The following NOTCH2 variants were observed in gnomAD, a reference collection of about 807,000 sequenced individuals.
NOTCH2 encodes neurogenic locus notch homolog protein 2.
A neutral mutation model predicts 235.8 loss-of-function variants in NOTCH2; 29 were observed. The ratio of observed to expected loss-of-function variants is 0.12; its 90% confidence interval spans 0.09 to 0.17. The LOEUF (loss-of-function observed/expected upper bound fraction) is 0.17, where lower values mean the gene tolerates loss of function less well. NOTCH2 is among the 10% of genes least tolerant of loss of function. The pLI, the probability that NOTCH2 is intolerant of heterozygous loss-of-function variation, is 1.00. For missense variants in NOTCH2, 2,285 were observed against 3,150.2 expected (o/e 0.73, Z 6.57); for synonymous variants, 1,086 against 1,141.5 (o/e 0.95, Z 0.98).
At chr1:119,976,938 T>C (rs1553201033) in intron 5 of NOTCH2, among the ~76,000 whole-genome samples, 1 of 152,118 alleles carries the variant, frequency 6.6e-6, no homozygotes, top group African/African-American at 2.4e-5. Flanking sequence ...TGCTTGTCAC[T>C]AAACACAATT....
chr1:119,977,312 G>A lies in NOTCH2; in HGVS notation c.875-7568C>T, dbSNP rs369714747. Among the ~76,000 whole-genome samples the A allele has an allele frequency of 4.0e-4, 61 of 151,860 alleles. No individual in the cohort carries two copies. The East Asian group carries it at 7.1e-3, about 18-fold the overall frequency. ...CCTTGTCTACACCACCAGTTCACAC[G>A]CAAACCCCTCATCCCAGTCCCCTTC... On this transcript the variant is annotated intron_variant, in intron 5 of 33. Transcript: ENST00000256646.
chr1:119,964,255 TGAGA>T (rs1553199384), intron 10 of NOTCH2, among the ~76,000 whole-genome samples: 1 of 152,206 alleles, frequency 6.6e-6, no homozygotes. Context: ...TCAACTCCTC[TGAGA>T]GTAGTATGCA....
At chr1:119,951,322 T>C (rs1162974302) in intron 14 of NOTCH2, among the ~76,000 whole-genome samples, 2 of 152,124 alleles carry the variant, frequency 1.3e-5, no homozygotes, top group African/African-American at 4.8e-5. Flanking sequence ...ACTTGATTTT[T>C]TAAATTTCTT....
At chr1:119,939,187 AAAC>A (rs1174686668) in intron 19 of NOTCH2, among the ~76,000 whole-genome samples, 1 of 152,186 alleles carries the variant, frequency 6.6e-6, no homozygotes, top group African/African-American at 2.4e-5. Flanking sequence ...CTCTGGCCAA[AAAC>A]AGATTTTTCC....
intron 2 of NOTCH2, among the ~76,000 whole-genome samples, chr1:120,012,107 T>C (rs1195800354): frequency 3.1e-5 from 4 of 128,086 alleles, no homozygotes; most frequent in African/African-American, 1.2e-4. Flanking sequence ...GCTTCAACAC[T>C]AGGCTATCCT....
At chr1:120,027,179 TTGGTTG>T (rs1170785803) in intron 2 of NOTCH2, among the ~76,000 whole-genome samples, 1 of 150,552 alleles carries the variant, frequency 6.6e-6, no homozygotes, top group Non-Finnish European at 1.5e-5. Context: ...GTCTCCAACC[TTGGTTG>T]GAGAGTATGA....
chr1:120,029,296 A>G (rs1462287815), intron 2 of NOTCH2, among the ~76,000 whole-genome samples: 3 of 151,694 alleles, frequency 2.0e-5, no homozygotes, highest in Non-Finnish European at 4.4e-5. Context: ...GGAGACTCTA[A>G]GAGTATGCCT....
chr1:119,953,813 C>T (rs1650579496), intron 13 of NOTCH2, 125 bp from the exon 14 acceptor site: 2 of 824,548 alleles, frequency 2.4e-6, no homozygotes, highest in Non-Finnish European at 4.1e-6. Context: ...TGGAACTATC[C>T]TTGCATCACC....
At position 119,916,175 on chromosome 1, in the gene NOTCH2, T is replaced by G; in HGVS notation, c.6547A>C (p.Met2183Leu). The G allele has an allele frequency of 1.9e-6, 3 of 1,614,112 alleles. No homozygotes were observed. The highest frequency in any genetic ancestry group is 2.5e-6 in the Non-Finnish European group (3 of 1,180,014). Residue 2183 changes from methionine (M) to leucine (L), a missense_variant, in exon 34 of 34, where the codon ATG becomes CTG. Met to Leu is a conservative substitution (Grantham distance 15, BLOSUM62 2). This residue lies in a region of NOTCH2 where 504 missense variants were observed against 538.0 expected (regional missense o/e 0.94). Coordinates refer to ENST00000256646, the MANE Select transcript of NOTCH2 (RefSeq NM_024408.4). ...GCAGGAGGGGCGGCAGTGGCCAACA[T>G]AGGGTTGGGTGAGGCCTGTAAGATC... The part of the protein sequence containing the change: ...PGILQASPNP[M>L]LATAAPPAPV...
rs369664394 is a variant in NOTCH2, at chr1:119,969,738, A to T, written c.881T>A (p.Phe294Tyr). The T allele has an allele frequency of 1.1e-5, 18 of 1,613,884 alleles. No homozygotes were observed. The African/African-American group carries it at 2.1e-4, about 19-fold the overall frequency. Reference sequence around the variant, plus strand: ...GCATTCATCCACATCCTCTGTGCAGAACTGTCCTTTTAGGGGGAAATTACT... The same window carrying T: ...GCATTCATCCACATCCTCTGTGCAGTACTGTCCTTTTAGGGGGAAATTACT... ...CRCPPQWTGQ[F>Y]CTEDVDECLL... Residue 294 changes from phenylalanine (F) to tyrosine (Y), a missense_variant, in exon 6 of 34, where the codon TTC becomes TAC. Phe to Tyr is a conservative substitution (Grantham distance 22, BLOSUM62 3). This residue lies in a region of NOTCH2 where 431 missense variants were observed against 757.8 expected (regional missense o/e 0.57). Coordinates refer to ENST00000256646, the MANE Select transcript of NOTCH2 (RefSeq NM_024408.4).
intron 2 of NOTCH2, among the ~76,000 whole-genome samples, chr1:120,027,633 C>A (rs1174602814): frequency 2.6e-5 from 4 of 151,892 alleles, no homozygotes; most frequent in Non-Finnish European, 5.9e-5. Flanking sequence ...CCTTTCCCCC[C>A]ACCCCCTGAC....
intron 1 of NOTCH2, among the ~76,000 whole-genome samples, chr1:120,067,348 C>A (rs1489472374): frequency 3.3e-5 from 5 of 151,166 alleles, no homozygotes; most frequent in Non-Finnish European, 7.4e-5. Flanking sequence ...TAACACTCAA[C>A]TTGACTACCT....
chr1:120,028,708 T>C (rs587767207), intron 2 of NOTCH2, among the ~76,000 whole-genome samples: 17 of 137,128 alleles, frequency 1.2e-4, no homozygotes, highest in Non-Finnish European at 2.3e-4. Flanking sequence ...TGGTAAGAAA[T>C]AAAAATGTGT....
rs189952588 is a variant in NOTCH2 at position 120,060,612 on chromosome 1, T to C, written c.73+8722A>G. 7.8e-3 allele frequency among the ~76,000 whole-genome samples: 1,179 copies of C among 150,704 alleles called. 5 individuals carry two copies. Among genetic ancestry groups the C allele is most frequent in the African/African-American group, 0.026 (1,066 of 41,372 alleles). ...ACATCCTTAACTACTTTTTCAAACA[T>C]AATTACTTTTTATTTTACAAAAATA... On this transcript the variant is annotated intron_variant, in intron 1 of 33. Transcript: ENST00000256646.
intron 19 of NOTCH2, among the ~76,000 whole-genome samples, chr1:119,939,460 A>T (rs587758991): frequency 3.3e-5 from 5 of 152,368 alleles, no homozygotes; most frequent in Admixed American, 2.6e-4. Context: ...CTGTGTGAGA[A>T]ATCCACATGG....
At position 120,029,339 on chromosome 1, in the gene NOTCH2, A is replaced by AT. The variant is rs1212619917; in HGVS notation, c.155+566dup. ...AAAAACACAAGGGAATCTAATATAT[A>AT]TTTTTTTATATTTTTTTTTATTTCT... On this transcript the variant is annotated intron_variant, in intron 2 of 33. Coordinates refer to ENST00000256646, the MANE Select transcript of NOTCH2 (RefSeq NM_024408.4). Among the ~76,000 whole-genome samples, 16 of 151,594 alleles carry AT rather than the reference A, an allele frequency of 1.1e-4. No individual in the cohort carries two copies. The South Asian group carries it at 2.1e-3, about 20-fold the overall frequency.
chr1:119,996,595 T>A, intron 4 of NOTCH2: 2 of 814,398 alleles, frequency 2.5e-6, no homozygotes. Context: ...CATAGGAAAG[T>A]TGATCACCTA....
chr1:120,028,886 A>T (rs1429291984), intron 2 of NOTCH2, among the ~76,000 whole-genome samples: 2 of 151,742 alleles, frequency 1.3e-5, no homozygotes, highest in Non-Finnish European at 2.9e-5. Context: ...CCTCTTAAAA[A>T]TTTTCAATTG....
chr1:119,980,891 G>C (rs114170426), intron 5 of NOTCH2, among the ~76,000 whole-genome samples: 3 of 152,106 alleles, frequency 2.0e-5, no homozygotes, highest in Non-Finnish European at 4.4e-5. Context: ...TATCATGGCC[G>C]AGCTCTCTTC....
Sources: allele counts gnomAD v4.1 joint callset (sites outside exome capture counted in the v4.1 genomes callset), GRCh38; gene constraint gnomAD v4.1.1; regional missense constraint gnomAD v4.1.1; transcripts MANE v1.5; gene names NCBI Gene and HGNC (gene_info 2026-07-23, HGNC 2026-07-21).